The following PCCA variants were observed in gnomAD, a reference collection of about 807,000 sequenced individuals.
The protein encoded by PCCA is propionyl-CoA carboxylase alpha chain, mitochondrial.
In PCCA, 74 loss-of-function variants were observed where a neutral mutation model predicts 101.3. The ratio of observed to expected loss-of-function variants is 0.73; its 90% confidence interval spans 0.61 to 0.89. The LOEUF (loss-of-function observed/expected upper bound fraction) is 0.89, where lower values mean the gene tolerates loss of function less well. Among genes scored for constraint, PCCA ranks in the 40% least tolerant of loss-of-function variants. The pLI is 0.00. For missense variants in PCCA, 891 were observed against 907.0 expected (o/e 0.98, Z 0.23); for synonymous variants, 294 against 313.6 (o/e 0.94, Z 0.66).
At chr13:100,462,287 A>T (rs183387424) in intron 21 of PCCA, among the ~76,000 whole-genome samples, 52 of 152,334 alleles carry the variant, frequency 3.4e-4, no homozygotes, top group African/African-American at 1.2e-3. Context: ...TGAAATTGGC[A>T]TGCTCTATAT....
At chr13:100,287,626 C>T (rs1256447282) in intron 12 of PCCA, among the ~76,000 whole-genome samples, 3 of 152,004 alleles carry the variant, frequency 2.0e-5, no homozygotes, top group African/African-American at 7.2e-5. Flanking sequence ...CTTCCTAACT[C>T]TTCATGTTTG....
At chr13:100,460,391 T>G (rs1438065687) in intron 21 of PCCA, among the ~76,000 whole-genome samples, 1 of 152,194 alleles carries the variant, frequency 6.6e-6, no homozygotes, top group African/African-American at 2.4e-5. Flanking sequence ...GAGACTGACT[T>G]TTTTTCCCTT....
chr13:100,109,543 T>C (rs1355531034), intron 2 of PCCA, among the ~76,000 whole-genome samples: 2 of 152,220 alleles, frequency 1.3e-5, no homozygotes, highest in Non-Finnish European at 2.9e-5. Flanking sequence ...CATCATATTT[T>C]AAAACCCATT....
At chr13:100,290,659 T>A (rs1445993117) in intron 12 of PCCA, among the ~76,000 whole-genome samples, 1 of 152,208 alleles carries the variant, frequency 6.6e-6, no homozygotes, top group Non-Finnish European at 1.5e-5. Context: ...TCAGAGGAAG[T>A]TTCTTCTGTT....
At chr13:100,298,442 C>T (rs2065735127) in intron 12 of PCCA, among the ~76,000 whole-genome samples, 1 of 152,144 alleles carries the variant, frequency 6.6e-6, no homozygotes, top group South Asian at 2.1e-4. Context: ...CATAATAGCC[C>T]TCAAAACAGA....
At chr13:100,232,471 C>T (rs1197868152) in intron 7 of PCCA, among the ~76,000 whole-genome samples, 1 of 151,828 alleles carries the variant, frequency 6.6e-6, no homozygotes, top group Non-Finnish European at 1.5e-5. Flanking sequence ...GCTCTGACCT[C>T]CTGGGCTCAT....
chr13:100,422,274 C>T (rs760485407), intron 19 of PCCA, among the ~76,000 whole-genome samples: 69 of 151,686 alleles, frequency 4.5e-4, no homozygotes, highest in African/African-American at 1.4e-3. Context: ...GCTGAGACTA[C>T]GGGCACTGGC....
intron 21 of PCCA, among the ~76,000 whole-genome samples, chr13:100,461,591 G>A (rs1003936073): frequency 2.0e-5 from 3 of 152,204 alleles, no homozygotes. Context: ...CAACTGACAT[G>A]TCTGACTTAA....
At chr13:100,461,727 G>T (rs1367634607) in intron 21 of PCCA, among the ~76,000 whole-genome samples, 1 of 152,214 alleles carries the variant, frequency 6.6e-6, no homozygotes, top group African/African-American at 2.4e-5. Context: ...GCCTGCCTTT[G>T]CAGCTGCTCC....
At position 100,394,253 on chromosome 13, in the gene PCCA, G is replaced by A. The variant is rs1411728914; in HGVS notation, c.1746+25679G>A. On this transcript the variant is annotated intron_variant, in intron 19 of 23. Transcript: ENST00000376285. This position sits in a 1 kb window ranked among gnomAD's most constrained non-coding sequence, Gnocchi z 4.3. ...TAACTAGAAACACCTCGCTTCAAAC[G>A]GGTTTCTTCAAAGAAAGAGGGGTTT... 2.6e-5 allele frequency among the ~76,000 whole-genome samples: 4 copies of A among 152,302 alleles called. No homozygotes were observed. Among genetic ancestry groups the A allele is most frequent in the East Asian group, 1.9e-4 (1 of 5,194 alleles).
intron 2 of PCCA, among the ~76,000 whole-genome samples, chr13:100,110,004 C>T (rs1459682901): frequency 3.3e-5 from 5 of 152,026 alleles, no homozygotes; most frequent in African/African-American, 7.2e-5. Flanking sequence ...CTTGGTGGTG[C>T]GCACCTGTAA....
intron 6 of PCCA, among the ~76,000 whole-genome samples, chr13:100,186,976 A>G (rs1224471931): frequency 6.6e-6 from 1 of 152,212 alleles, no homozygotes; most frequent in Non-Finnish European, 1.5e-5. Context: ...TGCAATGATG[A>G]AACATATGTA....
chr13:100,239,653 A>G (rs2061002392), intron 8 of PCCA, among the ~76,000 whole-genome samples: 1 of 151,544 alleles, frequency 6.6e-6, no homozygotes, highest in African/African-American at 2.4e-5. Context: ...CTTGATTTCC[A>G]TTGAAGTTTG....
At chr13:100,410,600 G>A (rs1001225492) in intron 19 of PCCA, among the ~76,000 whole-genome samples, 2 of 152,224 alleles carry the variant, frequency 1.3e-5, no homozygotes, top group Non-Finnish European at 2.9e-5. Flanking sequence ...AGCACCATGT[G>A]CAGTTCTTGC....
chr13:100,390,939 G>A (rs1018860351), intron 19 of PCCA, among the ~76,000 whole-genome samples: 2 of 152,140 alleles, frequency 1.3e-5, no homozygotes, highest in African/African-American at 2.4e-5. Context: ...ATTCTTAAGT[G>A]CTGATAACAG....
intron 1 of PCCA, among the ~76,000 whole-genome samples, chr13:100,097,871 A>C (rs981820305): frequency 6.6e-6 from 1 of 152,176 alleles, no homozygotes; most frequent in Admixed American, 6.5e-5. Flanking sequence ...AAAAAATAAA[A>C]AAATTAGTGG....
intron 21 of PCCA, among the ~76,000 whole-genome samples, chr13:100,513,348 CCAAA>C: frequency 6.6e-6 from 1 of 152,288 alleles, no homozygotes; most frequent in South Asian, 2.1e-4. Context: ...CACTTATCCC[CCAAA>C]CAGATTTAAG....
At chr13:100,307,922 G>A (rs1476062366) in intron 15 of PCCA, among the ~76,000 whole-genome samples, 3 of 152,094 alleles carry the variant, frequency 2.0e-5, no homozygotes, top group African/African-American at 7.2e-5. Context: ...GCAGTGGCAC[G>A]ATCTTGGCTC....
intron 10 of PCCA, among the ~76,000 whole-genome samples, chr13:100,266,874 AT>A (rs1391977835): frequency 6.6e-6 from 1 of 152,130 alleles, no homozygotes; most frequent in African/African-American, 2.4e-5. Flanking sequence ...TAGCTTAGAG[AT>A]TTTTCTACAT....
Sources: gnomAD v4.1 joint callset for allele counts (sites outside exome capture counted in the v4.1 genomes callset) on GRCh38, gnomAD v4.1.1 for gene constraint, Gnocchi (gnomAD v3.1) non-coding constraint, MANE v1.5 for transcripts, NCBI Gene and HGNC (gene_info 2026-07-23, HGNC 2026-07-21) for gene names.